Variants in RBFOX1 observed in about 807,000 individuals in gnomAD.
RBFOX1 encodes the protein RNA binding protein fox-1 homolog 1.
RBFOX1 carries 8 observed loss-of-function variants against 57.7 expected under a neutral mutation model. The ratio of observed to expected loss-of-function variants is 0.14; its 90% CI spans 0.08 to 0.25. The LOEUF is 0.25. RBFOX1 is among the 10% of genes least tolerant of loss of function. The pLI is 1.00. For missense variants in RBFOX1, 611 were observed against 548.5 expected (o/e 1.11, Z -1.14); for synonymous variants, 326 against 222.4 (o/e 1.47, Z -4.15).
At chr16:7,256,746 G>T (rs1484848146) in intron 4 of RBFOX1, among the ~76,000 whole-genome samples, 1 of 152,136 alleles carries the variant, frequency 6.6e-6, no homozygotes, top group African/African-American at 2.4e-5. Context: ...GGTGCCAAAT[G>T]TCAGTAATAC....
chr16:6,095,195 A>T (rs1262797360), intron 1 of RBFOX1, among the ~76,000 whole-genome samples: 4 of 152,254 alleles, frequency 2.6e-5, no homozygotes, highest in Non-Finnish European at 4.4e-5. Flanking sequence ...GTGTTAATAA[A>T]GTTTAAATAA....
rs1271926232 is a variant in RBFOX1 at position 5,918,036 on chromosome 16, T to A, written c.351+50701T>A. ...TCCTCGCCTTCTAAGAAAGCCCTCCTTTCACAGGTCAAATTCCATGTCCCA... is the reference window on the plus strand; with the variant it reads ...TCCTCGCCTTCTAAGAAAGCCCTCCATTCACAGGTCAAATTCCATGTCCCA... On this transcript the variant is annotated intron_variant, in intron 4 of 19. Coordinates refer to the RBFOX1 transcript ENST00000641259. 2.0e-5 allele frequency among the ~76,000 whole-genome samples: 3 copies of A among 152,174 alleles called. 1 individual carries two copies. Among genetic ancestry groups the A allele is most frequent in the Admixed American group, 6.5e-5 (1 of 15,278 alleles).
chr16:5,714,544 T>C (rs1366172943), intron 3 of RBFOX1, among the ~76,000 whole-genome samples: 2 of 152,178 alleles, frequency 1.3e-5, no homozygotes, highest in African/African-American at 4.8e-5. Context: ...CTTAGATGTG[T>C]GAAAAATAAA....
chr16:5,335,145 CTT>C (rs1323812753), intron 1 of RBFOX1, among the ~76,000 whole-genome samples: 1 of 152,130 alleles, frequency 6.6e-6, no homozygotes, highest in Non-Finnish European at 1.5e-5. Context: ...TTTCTTATCT[CTT>C]TGGCTGTTTT....
At chr16:6,138,038 G>A (rs756297834) in intron 1 of RBFOX1, among the ~76,000 whole-genome samples, 1 of 152,196 alleles carries the variant, frequency 6.6e-6, no homozygotes, top group East Asian at 1.9e-4. Flanking sequence ...TCAATCCTAG[G>A]TGGTCTGGCT....
At chr16:6,646,199 C>G (rs1310381281) in intron 2 of RBFOX1, among the ~76,000 whole-genome samples, 1 of 152,092 alleles carries the variant, frequency 6.6e-6, no homozygotes, top group Admixed American at 6.6e-5. Context: ...GGAACCCACC[C>G]AGAGACACCG....
intron 2 of RBFOX1, among the ~76,000 whole-genome samples, chr16:6,568,827 G>A (rs571369608): frequency 1.3e-5 from 2 of 152,208 alleles, no homozygotes; most frequent in South Asian, 2.1e-4. Flanking sequence ...GGAGTGCAGT[G>A]GCGCGATCTC....
At chr16:6,001,039 C>T (rs1325739226) in intron 4 of RBFOX1, among the ~76,000 whole-genome samples, 3 of 150,230 alleles carry the variant, frequency 2.0e-5, no homozygotes, top group Non-Finnish European at 3.0e-5. Context: ...ATTGGTGGAT[C>T]GATGGATGGG....
chr16:7,195,252 C>T (rs779402249), intron 4 of RBFOX1, among the ~76,000 whole-genome samples: 1 of 152,136 alleles, frequency 6.6e-6, no homozygotes, highest in Non-Finnish European at 1.5e-5. Flanking sequence ...ATGTCTCTGG[C>T]TGAGCCTCAT....
intron 3 of RBFOX1, among the ~76,000 whole-genome samples, chr16:5,811,189 C>G (rs995711235): frequency 1.5e-5 from 2 of 131,584 alleles, no homozygotes; most frequent in African/African-American, 6.0e-5. Flanking sequence ...GTCACCCAGG[C>G]TGCAGTGCAA....
At chr16:5,303,978 T>C (rs2063868734) in intron 1 of RBFOX1, among the ~76,000 whole-genome samples, 1 of 152,146 alleles carries the variant, frequency 6.6e-6, no homozygotes, top group Non-Finnish European at 1.5e-5. Flanking sequence ...ATGGAACTTT[T>C]CTCTATGTTT....
At chr16:5,763,689 C>T (rs2053668217) in intron 3 of RBFOX1, among the ~76,000 whole-genome samples, 1 of 152,188 alleles carries the variant, frequency 6.6e-6, no homozygotes, top group South Asian at 2.1e-4. Flanking sequence ...ATTTGAAAAG[C>T]GATTTAGCCC....
At chr16:7,427,901 G>A (rs1238014812) in intron 4 of RBFOX1, among the ~76,000 whole-genome samples, 1 of 152,122 alleles carries the variant, frequency 6.6e-6, no homozygotes, top group Non-Finnish European at 1.5e-5. Context: ...TGATCTGCCT[G>A]CCTTGGCCTC....
chr16:7,120,551 C>G (rs2066883532), intron 4 of RBFOX1, among the ~76,000 whole-genome samples: 1 of 151,714 alleles, frequency 6.6e-6, no homozygotes, highest in Admixed American at 6.6e-5. Context: ...AGACTAATTC[C>G]TTGACAACCA....
chr16:7,255,662 G>A (rs930526204), intron 4 of RBFOX1, among the ~76,000 whole-genome samples: 3 of 152,030 alleles, frequency 2.0e-5, no homozygotes, highest in Non-Finnish European at 4.4e-5. Context: ...AGTCACATAT[G>A]CAAAGTAATT....
At chr16:6,714,524 G>C (rs1192731815) in intron 3 of RBFOX1, among the ~76,000 whole-genome samples, 14 of 152,080 alleles carry the variant, frequency 9.2e-5, no homozygotes, top group Non-Finnish European at 1.8e-4. Context: ...GGGGGCCTGG[G>C]GTACTTATAC....
chr16:6,636,251 A>G (rs1356157346), intron 2 of RBFOX1, among the ~76,000 whole-genome samples: 2 of 152,088 alleles, frequency 1.3e-5, no homozygotes, highest in Non-Finnish European at 2.9e-5. Flanking sequence ...GCTCACTGCA[A>G]GCTCTGCCTC....
intron 4 of RBFOX1, among the ~76,000 whole-genome samples, chr16:7,217,933 C>A (rs973182487): frequency 4.7e-5 from 7 of 150,068 alleles, no homozygotes; most frequent in Non-Finnish European, 1.0e-4. Context: ...TAGGTGTGTG[C>A]GTGCATGTGT....
At chr16:6,767,482 C>CT (rs2077501105) in intron 3 of RBFOX1, among the ~76,000 whole-genome samples, 1 of 152,108 alleles carries the variant, frequency 6.6e-6, no homozygotes, top group Non-Finnish European at 1.5e-5. Context: ...GAATACATTT[C>CT]TTTTTTTGCT....
Sources: allele counts gnomAD v4.1 joint callset (sites outside exome capture counted in the v4.1 genomes callset), GRCh38; gene constraint gnomAD v4.1.1; transcripts MANE v1.5; gene names NCBI Gene and HGNC (gene_info 2026-07-23, HGNC 2026-07-21).